The following GSDME variants were observed in gnomAD, a reference collection of about 807,000 sequenced individuals.
GSDME encodes the protein gasdermin-E.
GSDME carries 44 observed loss-of-function variants against 47.5 expected under a neutral mutation model. The ratio of observed to expected loss-of-function variants is 0.93; its 90% CI spans 0.73 to 1.19. The LOEUF (loss-of-function observed/expected upper bound fraction) is 1.19. Ranked by LOEUF, GSDME falls within the 50% of genes most tolerant of loss-of-function variation. GSDME has a pLI of 0.00. For synonymous variants in GSDME, 258 were observed against 252.8 expected (o/e 1.02, Z -0.20); for missense variants, 663 against 604.2 (o/e 1.10, Z -1.02).
chr7:24,760,835 G>A (rs1159333751), upstream of GSDME, among the ~76,000 whole-genome samples: 2 of 152,152 alleles, frequency 1.3e-5, no homozygotes, highest in South Asian at 2.1e-4. The surrounding 1 kb of genome is among the most constrained non-coding windows in gnomAD (Gnocchi z 4.2). Context: ...AAGCTTTATA[G>A]AGGGTTAAAT....
chr7:24,702,171 T>A (rs1414215687), intron 9 of GSDME, among the ~76,000 whole-genome samples: 1 of 152,274 alleles, frequency 6.6e-6, no homozygotes, highest in African/African-American at 2.4e-5. Flanking sequence ...TTGGTGGTTC[T>A]TTCTACTAAT....
chr7:24,714,828 G>A lies in GSDME; in HGVS notation c.697+2426C>T, dbSNP rs756383063. On this transcript the variant is annotated intron_variant, in intron 5 of 9. Coordinates refer to ENST00000645220, the MANE Select transcript of GSDME (RefSeq NM_001127453.2). The surrounding 1 kb of genome is among the most constrained non-coding windows in gnomAD (Gnocchi z 5.0). ...ATGGGGACCACCACCTAGAGTGGCA[G>A]CCCAGGCCTGGGTCCCCGCCACCGA... is the stretch of plus-strand genomic sequence containing the variant. Among the ~76,000 whole-genome samples the A allele has an allele frequency of 2.6e-5, 4 of 152,186 alleles. No individual in the cohort carries two copies. Among genetic ancestry groups the A allele is most frequent in the African/African-American group, 4.8e-5 (2 of 41,454 alleles).
rs563267637 is a variant in GSDME, at chr7:24,742,640, C to A, written c.404+1922G>T. Among the ~76,000 whole-genome samples the A allele has an allele frequency of 6.6e-6, 1 of 152,192 alleles. No homozygotes were observed. The highest frequency in any genetic ancestry group is 1.5e-5 in the Non-Finnish European group (1 of 68,038). On this transcript the variant is annotated intron_variant, in intron 3 of 9. Coordinates refer to ENST00000645220, the MANE Select transcript of GSDME (RefSeq NM_001127453.2). The surrounding 1 kb of genome is among the most constrained non-coding windows in gnomAD (Gnocchi z 4.4). ...TATATCGAGAAATGTGATTATAGGA[C>A]ATTGCCAAACTGTGCTTCTTGAAAT...
chr7:24,786,446 G>T, the GSDME span, among the ~76,000 whole-genome samples: 4 of 152,166 alleles, frequency 2.6e-5, no homozygotes, highest in African/African-American at 9.7e-5. This position sits in a 1 kb window ranked among gnomAD's most constrained non-coding sequence, Gnocchi z 5.5. Context: ...GTGAGAGTTT[G>T]GTCAAGTTGC....
At chr7:24,762,507 T>C (rs978813455), upstream of GSDME, among the ~76,000 whole-genome samples, 2 of 152,174 alleles carry the variant, frequency 1.3e-5, no homozygotes, top group Non-Finnish European at 2.9e-5. Flanking sequence ...AGGTGAGCTA[T>C]ACCCAGCATA....
chr7:24,778,106 A>C, the GSDME span, among the ~76,000 whole-genome samples: 3 of 151,592 alleles, frequency 2.0e-5, no homozygotes, highest in African/African-American at 7.3e-5. The surrounding 1 kb of genome is among the most constrained non-coding windows in gnomAD (Gnocchi z 5.6). Flanking sequence ...AGAGAGAAAG[A>C]CTGTGTATGT....
chr7:24,727,347 G>A (rs1790001592), intron 3 of GSDME, among the ~76,000 whole-genome samples: 1 of 152,212 alleles, frequency 6.6e-6, no homozygotes. Flanking sequence ...TACAAATGCA[G>A]ACTGAGGAAA....
At chr7:24,789,426 T>C in the GSDME span, among the ~76,000 whole-genome samples, 1 of 152,156 alleles carries the variant, frequency 6.6e-6, no homozygotes, top group East Asian at 1.9e-4. Flanking sequence ...CTGTCCCTTT[T>C]AAGGGCTTAC....
rs547773739 is a variant in GSDME, at chr7:24,728,477, C to T, written c.405-9259G>A. 5.3e-5 allele frequency among the ~76,000 whole-genome samples: 8 copies of T among 152,322 alleles called. No homozygotes were observed. Among genetic ancestry groups the T allele is most frequent in the South Asian group, 2.1e-4 (1 of 4,816 alleles). ...TTATTTCAGAAAGCAACAAGAAGCA[C>T]GAAGAACTCAGAAGCCAAGGGGCTG... On this transcript the variant is annotated intron_variant, in intron 3 of 9. Coordinates refer to ENST00000645220, the MANE Select transcript of GSDME (RefSeq NM_001127453.2). The surrounding 1 kb of genome is among the most constrained non-coding windows in gnomAD (Gnocchi z 7.2).
chr7:24,785,318 CTATT>C, the GSDME span, among the ~76,000 whole-genome samples: 2 of 152,186 alleles, frequency 1.3e-5, no homozygotes, highest in Admixed American at 6.5e-5. Context: ...TGCAATTTCA[CTATT>C]TATTTTATAA....
chr7:24,787,446 G>C, the GSDME span, among the ~76,000 whole-genome samples: 3 of 152,310 alleles, frequency 2.0e-5, no homozygotes, highest in South Asian at 4.1e-4. This position sits in a 1 kb window ranked among gnomAD's most constrained non-coding sequence, Gnocchi z 5.0. Flanking sequence ...AAACCGTATG[G>C]TGCTATCTGG....
chr7:24,750,297 G>A (rs921887325), intron 1 of GSDME, among the ~76,000 whole-genome samples: 6 of 152,218 alleles, frequency 3.9e-5, no homozygotes, highest in Admixed American at 6.5e-5. Flanking sequence ...CAACAATAAG[G>A]GCCAGAAAAT....
chr7:24,782,751 T>C, the GSDME span, among the ~76,000 whole-genome samples: 4 of 152,242 alleles, frequency 2.6e-5, no homozygotes, highest in African/African-American at 7.2e-5. Context: ...TTTTTAATGA[T>C]TGCCATTCTA....
the GSDME span, among the ~76,000 whole-genome samples, chr7:24,783,562 A>G: frequency 1.3e-5 from 2 of 152,178 alleles, no homozygotes; most frequent in African/African-American, 4.8e-5. Context: ...CATCACGCTG[A>G]GGTGTTTGGA....
At chr7:24,740,279 T>C (rs1790445330) in intron 3 of GSDME, among the ~76,000 whole-genome samples, 1 of 151,908 alleles carries the variant, frequency 6.6e-6, no homozygotes, top group African/African-American at 2.4e-5. Context: ...TACCAGAGGC[T>C]GGGAAGGGTA....
intron 3 of GSDME, among the ~76,000 whole-genome samples, chr7:24,741,578 C>A (rs1790493551): frequency 6.6e-6 from 1 of 152,064 alleles, no homozygotes; most frequent in Non-Finnish European, 1.5e-5. Context: ...ATTTCATAGA[C>A]AATAAAGCTA....
chr7:24,746,563 C>T (rs1790676593), intron 2 of GSDME, among the ~76,000 whole-genome samples: 1 of 152,144 alleles, frequency 6.6e-6, no homozygotes, highest in African/African-American at 2.4e-5. Flanking sequence ...CTAGGTTCTA[C>T]AAAGTACAGC....
At chr7:24,765,139 G>A in the GSDME span, among the ~76,000 whole-genome samples, 1 of 152,136 alleles carries the variant, frequency 6.6e-6, no homozygotes, top group Non-Finnish European at 1.5e-5. Context: ...CTGGCCCCGG[G>A]TAATGCTGGA....
chr7:24,706,970 T>C (rs1198785144), intron 7 of GSDME, among the ~76,000 whole-genome samples: 1 of 152,224 alleles, frequency 6.6e-6, no homozygotes, highest in Non-Finnish European at 1.5e-5. Flanking sequence ...GCTGAGGCTC[T>C]CTCCACAGGG....
Sources: gnomAD v4.1 joint callset for allele counts (sites outside exome capture counted in the v4.1 genomes callset) on GRCh38, gnomAD v4.1.1 for gene constraint, Gnocchi (gnomAD v3.1) non-coding constraint, MANE v1.5 for transcripts, NCBI Gene and HGNC (gene_info 2026-07-23, HGNC 2026-07-21) for gene names.